The following NPEPPS variants were observed in gnomAD, a reference collection of about 807,000 sequenced individuals.
NPEPPS encodes the protein puromycin-sensitive aminopeptidase.
Under a neutral mutation model 115.5 loss-of-function variants are expected in NPEPPS, and 14 were observed. The observed-to-expected ratio is 0.12, with a 90% CI of 0.08 to 0.19. The LOEUF (loss-of-function observed/expected upper bound fraction) is 0.19, where lower values mean the gene tolerates loss of function less well. NPEPPS is among the 10% of genes least tolerant of loss of function. The pLI is 1.00. For missense variants in NPEPPS, 523 were observed against 1,110.8 expected (o/e 0.47, Z 7.52); for synonymous variants, 285 against 390.6 (o/e 0.73, Z 3.19).
rs531802723 is a variant in NPEPPS, at chr17:47,610,396, G to T, written c.2096-2064G>T. ...CAGTCTTTCATTCCTTTTTTTTTTG[G>T]GGGGGGGTAACAGAGTCTCACACTG... On this transcript the variant is annotated intron_variant, in intron 17 of 22. Transcript: ENST00000322157. Among the ~76,000 whole-genome samples, 344 of 148,246 alleles carry T rather than the reference G, an allele frequency of 2.3e-3. 8 individuals are homozygous for T. In the East Asian group the frequency reaches 0.063, roughly 27 times the overall value.
intron 17 of NPEPPS, among the ~76,000 whole-genome samples, chr17:47,608,763 G>T (rs1348596879): frequency 6.6e-6 from 1 of 152,180 alleles, no homozygotes; most frequent in East Asian, 1.9e-4. Flanking sequence ...AGGAGAGAGG[G>T]GGGGTATCCC....
At chr17:47,562,637 T>TATAC (rs1491281853) in intron 2 of NPEPPS, among the ~76,000 whole-genome samples, 1 of 149,360 alleles carries the variant, frequency 6.7e-6, no homozygotes, top group African/African-American at 2.5e-5. Flanking sequence ...TGTGTGTATA[T>TATAC]GTGTGTGTTT....
chr17:47,618,424 C>T lies in NPEPPS; in HGVS notation c.2370C>T (p.Asp790=), dbSNP rs372409735. 2.5e-6 allele frequency: 4 copies of T among 1,613,648 alleles called. No homozygotes were observed. Among genetic ancestry groups the T allele is most frequent in the Non-Finnish European group, 8.5e-7 (1 of 1,179,766 alleles). The change falls in exon 20 of 23, where the codon GAC becomes GAT. Residue 790 remains aspartate (D), a synonymous_variant. Transcript: ENST00000322157. ...TCCTTGGCGCTACTCTTTTGCCTGA[C>T]CTGATTCAAAAAGTCCTCACGTTTG... ...ERVLGATLLP[D]LIQKVLTFAL...
At chr17:47,614,384 C>G (rs574978006) in intron 19 of NPEPPS, among the ~76,000 whole-genome samples, 1 of 152,132 alleles carries the variant, frequency 6.6e-6, no homozygotes, top group Non-Finnish European at 1.5e-5. Context: ...ACGTTTGTTT[C>G]TGTGCTTAGG....
intron 17 of NPEPPS, among the ~76,000 whole-genome samples, chr17:47,610,647 G>T (rs1913797816): frequency 6.6e-6 from 1 of 151,786 alleles, no homozygotes; most frequent in Non-Finnish European, 1.5e-5. Context: ...CTCCCAAAGT[G>T]CTGGGATTAC....
Position 47,551,981 on chromosome 17 carries a change from C to CT in NPEPPS, c.340+5998dup, listed in dbSNP as rs1399275639. ...GGATTTCTTTCTTTTTTTTTTTTTTCTTTTTTTTTTGAGACAGGTCTTTCT... is the reference window on the plus strand; with the variant it reads ...GGATTTCTTTCTTTTTTTTTTTTTTCTTTTTTTTTTTGAGACAGGTCTTTCT... On this transcript the variant is annotated intron_variant, in intron 2 of 22. Coordinates refer to ENST00000322157, the MANE Select transcript of NPEPPS (RefSeq NM_006310.4). 5.2e-4 allele frequency among the ~76,000 whole-genome samples: 47 copies of CT among 90,934 alleles called. 1 individual carries two copies. Among genetic ancestry groups the CT allele is most frequent in the Middle Eastern group, 7.2e-3 (1 of 138 alleles). 59.7% of individuals were successfully genotyped at this position (90,934 alleles called of 152,430 possible).
At position 47,535,168 on chromosome 17, in the gene NPEPPS, G is replaced by A. The variant is rs1188113389; in HGVS notation, c.255+3613G>A. On this transcript the variant is annotated intron_variant, in intron 1 of 22. Transcript: ENST00000322157. ...TGAGGCAGGAGAATGGCGTGAATCT[G>A]GGAGGCGGAGCTTGCAGTGAGCTGA... is the stretch of plus-strand genomic sequence containing the variant. Among the ~76,000 whole-genome samples, 3 of 146,646 alleles carry A rather than the reference G, an allele frequency of 2.0e-5. No homozygotes were observed. In the Admixed American group the frequency reaches 2.1e-4, roughly 10 times the overall value.
intron 1 of NPEPPS, among the ~76,000 whole-genome samples, chr17:47,532,012 C>T (rs1373826790): frequency 6.6e-6 from 1 of 152,012 alleles, no homozygotes. Context: ...CTACACCTCT[C>T]GGGTGATAGA....
intron 15 of NPEPPS, 200 bp from the exon 16 acceptor site, chr17:47,603,715 T>G: frequency 2.2e-6 from 1 of 447,516 alleles, no homozygotes; most frequent in South Asian, 5.2e-5. Flanking sequence ...CCCTCACAAT[T>G]TCAAGTTTCC....
chr17:47,619,525 G>A (rs1036454719), intron 21 of NPEPPS: 2 of 556,846 alleles, frequency 3.6e-6, no homozygotes, highest in Non-Finnish European at 6.4e-6. Flanking sequence ...TTGCACTCCA[G>A]CCTGGGCAAC....
In NPEPPS at chr17:47,608,009, GTTT is replaced by G. The variant is rs572654459; in HGVS notation, c.2095+2467_2095+2469del. The stretch of plus-strand genomic sequence containing the variant: ...ACAGGCATGCACCATACCCAGCTAT[GTTT>G]TTTTTTTTTGGAAAAGATGAGACTT... On this transcript the variant is annotated intron_variant, in intron 17 of 22. Transcript: ENST00000322157. Among the ~76,000 whole-genome samples, 3 of 144,436 alleles carry G rather than the reference GTTT, an allele frequency of 2.1e-5. No homozygotes were observed. The East Asian group carries it at 6.0e-4, about 29-fold the overall frequency. The allele number at this position is 144,436 out of a possible 152,430, so 94.8% of individuals were successfully genotyped here.
chr17:47,620,091 C>CT (rs1914457782), intron 22 of NPEPPS: 1 of 201,140 alleles, frequency 5.0e-6, no homozygotes, highest in South Asian at 8.7e-5. Flanking sequence ...GTGCACGCCT[C>CT]TAATCCCAGC....
At chr17:47,548,125 AAAG>A (rs1428314786) in intron 2 of NPEPPS, 4 of 152,260 alleles carry the variant, frequency 2.6e-5, no homozygotes, top group South Asian at 2.1e-4. Context: ...ATTATACTGA[AAAG>A]AAGTTTCATT....
At chr17:47,525,174 G>C (rs1434760162) in intron 1 of NPEPPS, among the ~76,000 whole-genome samples, 5 of 152,082 alleles carry the variant, frequency 3.3e-5, no homozygotes, top group Admixed American at 6.6e-5. Context: ...GGAACTGTGT[G>C]TTACCTTCCA....
rs138807707 is a variant in NPEPPS, at chr17:47,539,737, A to G, written c.256-6172A>G. On this transcript the variant is annotated intron_variant, in intron 1 of 22. Transcript: ENST00000322157. ...TTGCATTTTTACATTAATGGTAATT[A>G]TTTTTGACCTTCTGCAAGTGGCTCT... Among the ~76,000 whole-genome samples the G allele has an allele frequency of 5.8e-3, 884 of 152,266 alleles. 8 individuals are homozygous for G. The highest frequency in any genetic ancestry group is 7.8e-3 in the Non-Finnish European group (528 of 68,020).
intron 1 of NPEPPS, among the ~76,000 whole-genome samples, chr17:47,541,067 T>A (rs1450057213): frequency 6.6e-6 from 1 of 152,144 alleles, no homozygotes; most frequent in East Asian, 1.9e-4. Context: ...TGTAATTGGA[T>A]GTTGTGCATG....
intron 1 of NPEPPS, among the ~76,000 whole-genome samples, chr17:47,536,588 T>A (rs1282150142): frequency 6.6e-6 from 1 of 151,396 alleles, no homozygotes; most frequent in Non-Finnish European, 1.5e-5. Flanking sequence ...AGAGACGGGG[T>A]TTCTCCATGT....
chr17:47,571,343 A>G (rs1391871705), intron 3 of NPEPPS, among the ~76,000 whole-genome samples: 1 of 152,154 alleles, frequency 6.6e-6, no homozygotes, highest in African/African-American at 2.4e-5. Context: ...TTAATATAAA[A>G]TTATTTTTAG....
chr17:47,539,566 CA>C (rs1908601562), intron 1 of NPEPPS, among the ~76,000 whole-genome samples: 1 of 152,078 alleles, frequency 6.6e-6, no homozygotes, highest in African/African-American at 2.4e-5. Flanking sequence ...CACTAAAGCC[CA>C]TTTCCATCTC....
Sources: allele counts gnomAD v4.1 joint callset (sites outside exome capture counted in the v4.1 genomes callset), GRCh38; gene constraint gnomAD v4.1.1; transcripts MANE v1.5; gene names NCBI Gene and HGNC (gene_info 2026-07-23, HGNC 2026-07-21).